CDH8: variants seen among roughly 807,000 people sequenced by gnomAD.
CDH8 encodes the protein cadherin 8.
Under a neutral mutation model 68.1 loss-of-function variants are expected in CDH8, and 17 were observed. That is an observed-to-expected ratio of 0.25 (90% CI 0.17 to 0.37). CDH8 has a LOEUF of 0.37. CDH8 is among the 10% of genes least tolerant of loss of function. CDH8 has a pLI of 1.00. For synonymous variants in CDH8, 372 were observed against 365.1 expected, an observed-to-expected ratio of 1.02 and a Z score of -0.21; for missense variants, 763 against 999.3, an observed-to-expected ratio of 0.76 and a Z score of 3.19.
At chr16:61,989,944 A>C (rs1239639789) in intron 2 of CDH8, among the ~76,000 whole-genome samples, 1 of 152,226 alleles carries the variant, frequency 6.6e-6, no homozygotes, top group Non-Finnish European at 1.5e-5. Context: ...TACTCTAAAA[A>C]GTAAATATCA....
At chr16:61,770,973 A>G (rs1960762609) in intron 8 of CDH8, among the ~76,000 whole-genome samples, 1 of 151,992 alleles carries the variant, frequency 6.6e-6, no homozygotes, top group Non-Finnish European at 1.5e-5. Context: ...AAACTCTTTA[A>G]TCTGGACTGT....
At chr16:61,670,842 T>C (rs1963777089) in intron 10 of CDH8, among the ~76,000 whole-genome samples, 1 of 151,994 alleles carries the variant, frequency 6.6e-6, no homozygotes, top group Non-Finnish European at 1.5e-5. Context: ...AAGAGATAAT[T>C]CACATCCCCA....
intron 2 of CDH8, among the ~76,000 whole-genome samples, chr16:61,903,669 A>G (rs987674647): frequency 2.0e-4 from 31 of 152,362 alleles, no homozygotes; most frequent in African/African-American, 7.2e-4. Flanking sequence ...CTCTAACTAC[A>G]TGAACTGAAG....
intron 8 of CDH8, among the ~76,000 whole-genome samples, chr16:61,761,730 CA>C (rs1960475353): frequency 6.6e-6 from 1 of 152,096 alleles, no homozygotes; most frequent in East Asian, 1.9e-4. Flanking sequence ...AGGCCAGGTG[CA>C]GTGGCTCATG....
At chr16:61,655,354 T>C (rs546410081) in intron 11 of CDH8, 116 bp downstream of exon 11, 1 of 982,252 alleles carries the variant, frequency 1.0e-6, no homozygotes, top group African/African-American at 1.6e-5. Flanking sequence ...GGAAAGGAAG[T>C]TCCTCTTCCC....
At chr16:61,740,397 A>G (rs1453050942) in intron 8 of CDH8, among the ~76,000 whole-genome samples, 2 of 152,018 alleles carry the variant, frequency 1.3e-5, no homozygotes, top group Non-Finnish European at 2.9e-5. Context: ...TGTGGAGTCA[A>G]TTTTTGCATT....
intron 2 of CDH8, among the ~76,000 whole-genome samples, chr16:62,020,394 A>T (rs1191594888): frequency 6.6e-6 from 1 of 151,884 alleles, no homozygotes; most frequent in East Asian, 1.9e-4. Flanking sequence ...ACCCAGTGTG[A>T]TTTTGGAAAG....
chr16:61,729,248 T>C (rs941486378), intron 8 of CDH8, among the ~76,000 whole-genome samples: 5 of 150,438 alleles, frequency 3.3e-5, no homozygotes, highest in African/African-American at 4.9e-5. Flanking sequence ...CATAGTATAA[T>C]ACTGATGAAG....
chr16:61,723,308 A>T (rs2142885778), intron 9 of CDH8, among the ~76,000 whole-genome samples: 1 of 150,732 alleles, frequency 6.6e-6, no homozygotes, highest in East Asian at 2.0e-4. Flanking sequence ...TGTCAAGTAT[A>T]TTGAAGGAAG....
intron 4 of CDH8, among the ~76,000 whole-genome samples, chr16:61,826,869 A>G (rs1962347170): frequency 6.6e-6 from 1 of 151,844 alleles, no homozygotes; most frequent in Non-Finnish European, 1.5e-5. Flanking sequence ...GGAGCACTGA[A>G]TTAGATAACC....
chr16:61,936,674 T>A (rs1267310793), intron 2 of CDH8, among the ~76,000 whole-genome samples: 2 of 152,146 alleles, frequency 1.3e-5, no homozygotes, highest in Non-Finnish European at 2.9e-5. Context: ...TCTTGCTGAA[T>A]GGGATATGCA....
chr16:61,682,684 T>C (rs1206448198), intron 10 of CDH8, among the ~76,000 whole-genome samples: 2 of 151,854 alleles, frequency 1.3e-5, no homozygotes, highest in Admixed American at 6.6e-5. Context: ...AAAACATGTG[T>C]TTTGGCTTAC....
chr16:61,804,238 A>C (rs1428458381), intron 7 of CDH8, among the ~76,000 whole-genome samples: 2 of 151,968 alleles, frequency 1.3e-5, no homozygotes. Context: ...TAACGAAATG[A>C]AGGCAGAAAT....
At chr16:61,934,912 G>T (rs983576920) in intron 2 of CDH8, among the ~76,000 whole-genome samples, 6 of 152,170 alleles carry the variant, frequency 3.9e-5, no homozygotes, top group African/African-American at 1.4e-4. Context: ...TGACTCCAAA[G>T]TTACATCTCA....
intron 2 of CDH8, among the ~76,000 whole-genome samples, chr16:61,904,210 C>T (rs1236982654): frequency 6.6e-6 from 1 of 152,214 alleles, no homozygotes; most frequent in Non-Finnish European, 1.5e-5. Flanking sequence ...CAGCAATTTA[C>T]AGAGAGCAAC....
intron 2 of CDH8, among the ~76,000 whole-genome samples, chr16:61,914,686 C>T (rs774593798): frequency 9.3e-5 from 14 of 150,496 alleles, no homozygotes; most frequent in Non-Finnish European, 1.9e-4. Flanking sequence ...AACAAACCTG[C>T]ACGTTGTGCA....
At chr16:61,726,059 C>T (rs1407848699) in intron 9 of CDH8, 1 of 150,626 alleles carries the variant, frequency 6.6e-6, no homozygotes, top group African/African-American at 2.4e-5. Context: ...CAGTGCCAGT[C>T]CTTTCTTTAG....
intron 4 of CDH8, among the ~76,000 whole-genome samples, chr16:61,830,790 T>C (rs1345146553): frequency 6.6e-6 from 1 of 151,878 alleles, no homozygotes; most frequent in Non-Finnish European, 1.5e-5. Flanking sequence ...AAATTCTTGA[T>C]GTGAATATTT....
chr16:61,784,101 G>T (rs1961164948), intron 8 of CDH8, among the ~76,000 whole-genome samples: 3 of 150,718 alleles, frequency 2.0e-5, no homozygotes, highest in Non-Finnish European at 3.0e-5. Flanking sequence ...AACTTTAAAT[G>T]TAAATGGACT....
Sources: allele counts gnomAD v4.1 joint callset (sites outside exome capture counted in the v4.1 genomes callset), GRCh38; gene constraint gnomAD v4.1.1; transcripts MANE v1.5; gene names NCBI Gene and HGNC (gene_info 2026-07-23, HGNC 2026-07-21).